FAM222A: variants seen among roughly 807,000 people sequenced by gnomAD.
FAM222A encodes protein FAM222A.
FAM222A carries 7 observed loss-of-function variants against 25.8 expected under a neutral mutation model. The ratio of observed to expected loss-of-function variants is 0.27; its 90% CI spans 0.15 to 0.51. The LOEUF (loss-of-function observed/expected upper bound fraction) is 0.51. FAM222A is among the 20% of genes least tolerant of loss of function. The probability of loss-of-function intolerance (pLI) is 0.97; values close to 1 mark genes in which losing one functional copy is unlikely to be tolerated. For synonymous variants in FAM222A, 294 were observed against 298.8 expected (o/e 0.98, Z 0.17); for missense variants, 573 against 640.5 (o/e 0.89, Z 1.14).
chr12:109,763,947 CCGTGGCAT>C (rs1472407161), intron 2 of FAM222A, among the ~76,000 whole-genome samples: 2 of 152,066 alleles, frequency 1.3e-5, no homozygotes, highest in Non-Finnish European at 2.9e-5. Flanking sequence ...AGGCTGGGTG[CCGTGGCAT>C]CTCAAAGTGC....
At chr12:109,716,656 CA>C (rs1282849611) in intron 1 of FAM222A, among the ~76,000 whole-genome samples, 2 of 152,228 alleles carry the variant, frequency 1.3e-5, no homozygotes, top group Non-Finnish European at 2.9e-5. Context: ...AGTTTAGAAA[CA>C]AACTCGGAGT....
intron 1 of FAM222A, chr12:109,720,226 G>A: frequency 1.0e-6 from 1 of 976,854 alleles, no homozygotes; most frequent in Non-Finnish European, 1.2e-6. Flanking sequence ...AGGGCACAGG[G>A]GACAAAGGCC....
chr12:109,715,092 A>C (rs1375556919), intron 1 of FAM222A, among the ~76,000 whole-genome samples, 195 bp downstream of exon 1: 1 of 152,178 alleles, frequency 6.6e-6, no homozygotes, highest in Non-Finnish European at 1.5e-5. Flanking sequence ...TGGGGGGCCC[A>C]TTCGGATTCC....
intron 2 of FAM222A, among the ~76,000 whole-genome samples, chr12:109,760,843 G>A (rs1434691918): frequency 6.6e-6 from 1 of 152,324 alleles, no homozygotes; most frequent in Non-Finnish European, 1.5e-5. Flanking sequence ...AGGGGCCTGC[G>A]GGAAGGAGAC....
chr12:109,741,212 G>A (rs1888233006), intron 1 of FAM222A, among the ~76,000 whole-genome samples: 1 of 152,314 alleles, frequency 6.6e-6, no homozygotes, highest in East Asian at 1.9e-4. Context: ...CCAGTGGCAG[G>A]ACACAGGGTT....
chr12:109,769,389 T>G lies in FAM222A; in HGVS notation c.*101T>G. The stretch of plus-strand genomic sequence containing the variant: ...CTCGCAGGGGCGCTCAGCCCCACCC[T>G]GTGCCTGCTGATGCCCACAGGGGAG... On this transcript the variant is annotated 3_prime_UTR_variant, in exon 3 of 3. Transcript: ENST00000538780. 7.3e-7 allele frequency: 1 copy of G among 1,372,686 alleles called. No homozygotes were observed. Among genetic ancestry groups the G allele is most frequent in the Non-Finnish European group, 9.7e-7 (1 of 1,031,586 alleles). The allele number at this position is 1,372,686 out of a possible 1,614,324, so 85.0% of individuals were successfully genotyped here. A position where few individuals can be genotyped will look rare whatever the true frequency, so the allele number is the denominator to read the frequency against.
chr12:109,749,901 A>G (rs904487566), intron 2 of FAM222A, among the ~76,000 whole-genome samples: 2 of 152,190 alleles, frequency 1.3e-5, no homozygotes, highest in African/African-American at 4.8e-5. Context: ...CATTTTTCTT[A>G]AAACCTTTGC....
Position 109,768,863 on chromosome 12 carries a change from T to G in FAM222A, c.934T>G (p.Ser312Ala). The G allele has an allele frequency of 3.8e-6, 6 of 1,583,180 alleles. No homozygotes were observed. Among genetic ancestry groups the G allele is most frequent in the Non-Finnish European group, 5.1e-6 (6 of 1,171,466 alleles). ...AYSGSTVASK[S>A]PEACGGRAYE... is the part of the protein sequence containing the mutation. ...CAGTGGGAGCACGGTGGCCAGCAAG[T>G]CCCCTGAGGCTTGCGGGGGCCGGGC... Residue 312 changes from serine to alanine, a missense_variant, in exon 3 of 3, where the codon TCC becomes GCC. Physicochemically the swap from Ser to Ala is moderately conservative, Grantham distance 99 (BLOSUM62 1). This residue lies in a region of FAM222A where 412 missense variants were observed against 407.0 expected (regional missense o/e 1.01). Coordinates refer to ENST00000538780, the MANE Select transcript of FAM222A (RefSeq NM_032829.3).
chr12:109,715,239 C>T (rs1007371009), intron 1 of FAM222A, among the ~76,000 whole-genome samples: 3 of 152,164 alleles, frequency 2.0e-5, no homozygotes, highest in African/African-American at 4.8e-5. Flanking sequence ...GGGGGGCACC[C>T]AGGATGGGAA....
At chr12:109,739,922 A>AATAC (rs1002085186) in intron 1 of FAM222A, among the ~76,000 whole-genome samples, 25 of 152,212 alleles carry the variant, frequency 1.6e-4, no homozygotes, top group African/African-American at 6.0e-4. Context: ...GAGGGCAGTC[A>AATAC]ATACATGCTC....
chr12:109,751,385 T>C (rs892549865), intron 2 of FAM222A, among the ~76,000 whole-genome samples: 1 of 152,238 alleles, frequency 6.6e-6, no homozygotes, highest in Non-Finnish European at 1.5e-5. Flanking sequence ...AATTTACTTA[T>C]GCTTTGCCTT....
intron 2 of FAM222A, among the ~76,000 whole-genome samples, chr12:109,766,428 G>A (rs1220866726): frequency 6.6e-6 from 1 of 152,238 alleles, no homozygotes; most frequent in African/African-American, 2.4e-5. Flanking sequence ...GCCCCATGCA[G>A]GCGGCTCACT....
chr12:109,767,951 C>CAA, intron 2 of FAM222A, 61 bp from the exon 3 acceptor site: 1 of 1,530,376 alleles, frequency 6.5e-7, no homozygotes, highest in Non-Finnish European at 8.9e-7. Flanking sequence ...ACTCGTGAGC[C>CAA]CTGTGGGGAG....
Position 109,718,080 on chromosome 12 carries a change from C to G in FAM222A, c.-47+3183C>G, listed in dbSNP as rs574437886. The stretch of plus-strand genomic sequence containing the variant: ...TCTGTGAGAAGGACCATAGCACTCA[C>G]TGTGCAGGGTCTGGTGAGGATTCAG... On this transcript the variant is annotated intron_variant, in intron 1 of 2. Coordinates refer to ENST00000538780, the MANE Select transcript of FAM222A (RefSeq NM_032829.3). 2.0e-5 allele frequency among the ~76,000 whole-genome samples: 3 copies of G among 152,374 alleles called. No homozygotes were observed. In the East Asian group the frequency reaches 5.8e-4, roughly 29 times the overall value.
chr12:109,738,100 A>G (rs1244979574), intron 1 of FAM222A, among the ~76,000 whole-genome samples: 1 of 152,172 alleles, frequency 6.6e-6, no homozygotes, highest in African/African-American at 2.4e-5. Flanking sequence ...AGGAGAGGAA[A>G]GAGACAGACA....
At chr12:109,743,425 TCTGCCCTTC>T (rs1888299948) in intron 1 of FAM222A, among the ~76,000 whole-genome samples, 5 of 152,138 alleles carry the variant, frequency 3.3e-5, no homozygotes, top group African/African-American at 4.8e-5. Flanking sequence ...GGCACAGATC[TCTGCCCTTC>T]CCATTCAGGG....
intron 1 of FAM222A, among the ~76,000 whole-genome samples, chr12:109,728,986 G>A (rs200140454): frequency 5.7e-5 from 7 of 122,284 alleles, no homozygotes; most frequent in Admixed American, 3.3e-4. Context: ...AAAAAAAAAA[G>A]AGGCTCAGAC....
In FAM222A at chr12:109,714,321, C is replaced by G. The variant is rs1476211649; in HGVS notation, c.-623C>G. On this transcript the variant is annotated 5_prime_UTR_variant, in exon 1 of 3. Coordinates refer to ENST00000538780, the MANE Select transcript of FAM222A (RefSeq NM_032829.3). The surrounding 1 kb of genome is among the most constrained non-coding windows in gnomAD (Gnocchi z 4.2). ...TCTCGCCGCTGTTCTTTGCAACCTGCAGGGGCCGGTGTATGTCCGGCGAGG... is the reference window on the plus strand; with the variant it reads ...TCTCGCCGCTGTTCTTTGCAACCTGGAGGGGCCGGTGTATGTCCGGCGAGG... 1.9e-5 allele frequency: 3 copies of G among 155,562 alleles called. No individual in the cohort carries two copies. In the Admixed American group the frequency reaches 2.0e-4, roughly 10 times the overall value. The allele number at this position is 155,562 out of a possible 1,614,324, so 9.6% of individuals were successfully genotyped here. A position where few individuals can be genotyped will look rare whatever the true frequency, so the allele number is the denominator to read the frequency against.
intron 2 of FAM222A, among the ~76,000 whole-genome samples, chr12:109,757,415 A>C (rs1267580433): frequency 6.6e-6 from 1 of 152,210 alleles, no homozygotes; most frequent in Non-Finnish European, 1.5e-5. Flanking sequence ...CCAGGAGACA[A>C]AGCAGGGGTT....
Sources: gnomAD v4.1 joint callset for allele counts (sites outside exome capture counted in the v4.1 genomes callset) on GRCh38, gnomAD v4.1.1 for gene constraint, gnomAD v4.1.1 regional missense constraint, Gnocchi (gnomAD v3.1) non-coding constraint, MANE v1.5 for transcripts, NCBI Gene and HGNC (gene_info 2026-07-23, HGNC 2026-07-21) for gene names.